Variants in NCOA3 observed in about 807,000 individuals in gnomAD.
NCOA3 encodes the protein CBP-interacting protein.
NCOA3 carries 51 observed loss-of-function variants against 158.8 expected under a neutral mutation model. That is an observed-to-expected ratio of 0.32 (90% CI 0.26 to 0.41). The LOEUF is 0.41. NCOA3 is among the 10% of genes least tolerant of loss of function. The pLI is 1.00. For missense variants in NCOA3, 1,510 were observed against 1,746.6 expected, an observed-to-expected ratio of 0.86 and a Z score of 2.41; for synonymous variants, 537 against 592.4, an observed-to-expected ratio of 0.91 and a Z score of 1.36.
intron 5 of NCOA3, among the ~76,000 whole-genome samples, chr20:47,626,112 T>C (rs745699002): frequency 2.0e-5 from 3 of 152,268 alleles, no homozygotes; most frequent in Admixed American, 6.5e-5. Flanking sequence ...TGGTGAATTT[T>C]TGCGTGATTG....
intron 2 of NCOA3, among the ~76,000 whole-genome samples, chr20:47,591,587 A>C (rs2085641144): frequency 6.6e-6 from 1 of 152,162 alleles, no homozygotes; most frequent in Admixed American, 6.5e-5. Context: ...TCATTTCCAG[A>C]ATTGTTTATC....
At chr20:47,512,632 C>T (rs2084165560) in intron 1 of NCOA3, among the ~76,000 whole-genome samples, 1 of 150,560 alleles carries the variant, frequency 6.6e-6, no homozygotes, top group Non-Finnish European at 1.5e-5. Context: ...AAAGGTACAC[C>T]AGTGGCAAGT....
Position 47,656,389 on chromosome 20 carries a change from C to T in NCOA3, c.*2972C>T, listed in dbSNP as rs927052273. 1 of 152,206 alleles carries T rather than the reference C, an allele frequency of 6.6e-6. No homozygotes were observed. Among genetic ancestry groups the T allele is most frequent in the African/African-American group, 2.4e-5 (1 of 41,524 alleles). The allele number at this position is 152,206 out of a possible 1,614,324, so 9.4% of individuals were successfully genotyped here. On this transcript the variant is annotated 3_prime_UTR_variant, in exon 23 of 23. Transcript: ENST00000371998. ...TATCTATATTAGGGGTAGGGTATTA[C>T]AGAAGATAATTGGCTTGATGTCCTA...
chr20:47,582,269 A>G (rs2085465895), intron 1 of NCOA3, among the ~76,000 whole-genome samples: 1 of 152,094 alleles, frequency 6.6e-6, no homozygotes, highest in South Asian at 2.1e-4. Context: ...CTAGAGCGCA[A>G]TGGCATGGTC....
intron 1 of NCOA3, among the ~76,000 whole-genome samples, chr20:47,568,957 T>G (rs532376231): frequency 7.2e-6 from 1 of 139,226 alleles, no homozygotes; most frequent in East Asian, 2.0e-4. Context: ...ATTAAAACAG[T>G]TTTTTTTTTT....
chr20:47,653,004 A>G lies in NCOA3; in HGVS notation c.4195A>G (p.Ser1399Gly). 1 of 1,614,236 alleles carries G rather than the reference A, an allele frequency of 6.2e-7. No individual in the cohort carries two copies. The highest frequency in any genetic ancestry group is 1.1e-5 in the South Asian group (1 of 91,088). Reference protein sequence around the residue: ...VYSMVHMNGSSGHMGQMNMNP... With the variant: ...VYSMVHMNGSGGHMGQMNMNP... Reference sequence around the variant, plus strand: ...TAGTATGGTGCACATGAATGGCAGCAGTGGTCACATGGGACAGATGAACAT... The same window carrying G: ...TAGTATGGTGCACATGAATGGCAGCGGTGGTCACATGGGACAGATGAACAT... Residue 1399 changes from serine to glycine, a missense_variant, in exon 22 of 23, where the codon AGT (serine) becomes GGT (glycine). By Grantham distance (56) the Ser-to-Gly change is moderately conservative. This residue lies in a region of NCOA3 where 180 missense variants were observed against 199.3 expected (regional missense o/e 0.90). Coordinates refer to ENST00000371998, the MANE Select transcript of NCOA3 (RefSeq NM_181659.3).
intron 8 of NCOA3, among the ~76,000 whole-genome samples, chr20:47,629,304 T>C (rs2086375399): frequency 6.6e-6 from 1 of 152,094 alleles, no homozygotes; most frequent in African/African-American, 2.4e-5. Flanking sequence ...ATTCACAGTA[T>C]AATCTTGTTT....
Position 47,532,552 on chromosome 20 carries a change from C to T in NCOA3, c.-99+30533C>T, listed in dbSNP as rs142435967. ...GGGATCTCATTATATTGCCCAGGCC[C>T]AGGCTGGTCTAGAACTGCTGGGCTC... On this transcript the variant is annotated intron_variant, in intron 1 of 22. Coordinates refer to ENST00000371998, the MANE Select transcript of NCOA3 (RefSeq NM_181659.3). Among the ~76,000 whole-genome samples, 764 of 152,192 alleles carry T rather than the reference C, an allele frequency of 5.0e-3. 8 individuals are homozygous for T. Among genetic ancestry groups the T allele is most frequent in the African/African-American group, 0.017 (724 of 41,516 alleles).
chr20:47,544,137 C>T (rs2084788791), intron 1 of NCOA3, among the ~76,000 whole-genome samples: 1 of 151,876 alleles, frequency 6.6e-6, no homozygotes, highest in South Asian at 2.1e-4. Context: ...AACTAAGTAG[C>T]AGATATTGTC....
chr20:47,646,997 G>C, intron 17 of NCOA3, 76 bp from the exon 18 acceptor site: 1 of 1,369,400 alleles, frequency 7.3e-7, no homozygotes, highest in Non-Finnish European at 1.0e-6. Context: ...GATGTTTTTT[G>C]CACTTTCTTT....
chr20:47,524,541 TA>T (rs1459499100), intron 1 of NCOA3, among the ~76,000 whole-genome samples: 1 of 152,096 alleles, frequency 6.6e-6, no homozygotes, highest in Non-Finnish European at 1.5e-5. Context: ...CCAGTTTAGA[TA>T]AAATGACTTG....
rs190118982 is a variant in NCOA3, at chr20:47,652,719, C to T, written c.4121+139C>T. ...TATTAGAAGGTGTGATTTGGCTTGT[C>T]CATTTTGAGAGTCCTTCAAGCACGC... On this transcript the variant is annotated intron_variant, in intron 21 of 22. Coordinates refer to ENST00000371998, the MANE Select transcript of NCOA3 (RefSeq NM_181659.3). The T allele has an allele frequency of 6.1e-6, 6 of 988,406 alleles. No individual in the cohort carries two copies. The East Asian group carries it at 1.6e-4, about 26-fold the overall frequency. 61.2% of individuals were successfully genotyped at this position (988,406 alleles called of 1,614,324 possible).
intron 1 of NCOA3, among the ~76,000 whole-genome samples, chr20:47,549,331 G>A (rs1030511008): frequency 6.6e-6 from 1 of 151,600 alleles, no homozygotes; most frequent in African/African-American, 2.4e-5. Flanking sequence ...AGGCCAGCCT[G>A]GGCAACATGG....
At chr20:47,518,039 T>C (rs2084263590) in intron 1 of NCOA3, among the ~76,000 whole-genome samples, 1 of 151,922 alleles carries the variant, frequency 6.6e-6, no homozygotes, top group African/African-American at 2.4e-5. Context: ...GACTCGAGGG[T>C]TGAATTCTAA....
chr20:47,515,548 A>G (rs1303416575), intron 1 of NCOA3, among the ~76,000 whole-genome samples: 2 of 145,364 alleles, frequency 1.4e-5, no homozygotes, highest in Non-Finnish European at 3.0e-5. Context: ...GTACAGTGGC[A>G]TGATCTCGGC....
intron 1 of NCOA3, among the ~76,000 whole-genome samples, chr20:47,565,084 C>T (rs191014285): frequency 6.6e-6 from 1 of 152,246 alleles, no homozygotes; most frequent in Non-Finnish European, 1.5e-5. Context: ...TGGGTTCAAG[C>T]AATTCTCCTG....
At chr20:47,565,399 G>A (rs2085176484) in intron 1 of NCOA3, among the ~76,000 whole-genome samples, 1 of 152,092 alleles carries the variant, frequency 6.6e-6, no homozygotes, top group Admixed American at 6.6e-5. Context: ...TTTAGTCTTT[G>A]TAACTGCCCT....
intron 1 of NCOA3, among the ~76,000 whole-genome samples, chr20:47,511,171 G>T (rs1427086341): frequency 6.6e-6 from 1 of 151,902 alleles, no homozygotes; most frequent in East Asian, 1.9e-4. Flanking sequence ...GTTCAGAGGA[G>T]GCAAGGGACT....
At position 47,591,578 on chromosome 20, in the gene NCOA3, C is replaced by G. The variant is rs1197549959; in HGVS notation, c.-20+8317C>G. On this transcript the variant is annotated intron_variant, in intron 2 of 22. Transcript: ENST00000371998. ...CTCTTTGGCCTGAAGGATATAATTT[C>G]ATTTCCAGAATTGTTTATCACTGAT... 3.3e-5 allele frequency among the ~76,000 whole-genome samples: 5 copies of G among 152,172 alleles called. No individual in the cohort carries two copies. The East Asian group carries it at 9.6e-4, about 29-fold the overall frequency.
Sources: allele counts gnomAD v4.1 joint callset (sites outside exome capture counted in the v4.1 genomes callset), GRCh38; gene constraint gnomAD v4.1.1; regional missense constraint gnomAD v4.1.1; transcripts MANE v1.5; gene names NCBI Gene and HGNC (gene_info 2026-07-23, HGNC 2026-07-21).